GSE1: variants seen among roughly 807,000 people sequenced by gnomAD.
GSE1 encodes the protein Gse1 coiled-coil protein, also known as genetic suppressor element 1.
GSE1 carries 32 observed loss-of-function variants against 112.6 expected under a neutral mutation model. That is an observed-to-expected ratio of 0.28 (90% CI 0.21 to 0.38). GSE1 has a LOEUF of 0.38. Ranked by LOEUF, GSE1 falls within the 10% of genes least tolerant of loss-of-function variation. The pLI is 1.00. For missense variants in GSE1, 2,348 were observed against 1,699.2 expected (o/e 1.38, Z -6.71); for synonymous variants, 1,115 against 735.6 (o/e 1.52, Z -8.35).
intron 2 of GSE1, among the ~76,000 whole-genome samples, chr16:85,470,093 C>T (rs531072271): frequency 6.6e-6 from 1 of 152,376 alleles, no homozygotes; most frequent in South Asian, 2.1e-4. Flanking sequence ...GGGCCACGCT[C>T]CAGGGTGCGG....
chr16:85,563,216 G>A (rs557269584), intron 1 of GSE1, among the ~76,000 whole-genome samples: 8 of 145,416 alleles, frequency 5.5e-5, no homozygotes, highest in East Asian at 3.9e-4. Flanking sequence ...TTTTAAGAGC[G>A]CCATATAGAT....
intron 1 of GSE1, among the ~76,000 whole-genome samples, chr16:85,619,645 A>T (rs1369725774): frequency 6.6e-6 from 1 of 152,170 alleles, no homozygotes; most frequent in Non-Finnish European, 1.5e-5. Context: ...TAGTAACCAG[A>T]TGGGAAAGAC....
chr16:85,205,786 A>T (rs897321052), intron 1 of GSE1, among the ~76,000 whole-genome samples: 6 of 152,188 alleles, frequency 3.9e-5, no homozygotes, highest in Non-Finnish European at 8.8e-5. Flanking sequence ...AAATCCTCGC[A>T]GACTGGGAGG....
chr16:85,537,614 A>C (rs1205035581), intron 2 of GSE1, among the ~76,000 whole-genome samples: 1 of 152,132 alleles, frequency 6.6e-6, no homozygotes, highest in Non-Finnish European at 1.5e-5. Context: ...CACAGTCCCC[A>C]TGTGGATTCG....
chr16:85,474,169 G>C lies in GSE1; in HGVS notation c.2464+116526G>C, dbSNP rs74458595. Among the ~76,000 whole-genome samples, 1,129 of 152,236 alleles carry C rather than the reference G, an allele frequency of 7.4e-3. 13 individuals are homozygous for C. The highest frequency in any genetic ancestry group is 0.026 in the African/African-American group (1,085 of 41,544). On this transcript the variant is annotated intron_variant, in intron 2 of 2. Transcript: ENST00000637419. ...CTGGCTCCTGCACCAGTCCAGACGAGAGGTGCTGGGCCAGGCCAGGCCAGG... is the reference window on the plus strand; with the variant it reads ...CTGGCTCCTGCACCAGTCCAGACGACAGGTGCTGGGCCAGGCCAGGCCAGG...
chr16:85,275,529 G>A (rs534872575), intron 1 of GSE1, among the ~76,000 whole-genome samples: 5 of 152,310 alleles, frequency 3.3e-5, no homozygotes, highest in African/African-American at 1.2e-4. Context: ...AGTTCAAATG[G>A]CACCAGTGAA....
chr16:85,404,224 C>T (rs1232294401), intron 2 of GSE1, among the ~76,000 whole-genome samples: 2 of 96,892 alleles, frequency 2.1e-5, no homozygotes, highest in Non-Finnish European at 4.3e-5. Flanking sequence ...CACCGTTACA[C>T]TCAGGGCCCC....
Position 85,665,002 on chromosome 16 carries a change from G to A in GSE1, c.2645-13G>A. 1 of 1,531,824 alleles carries A rather than the reference G, an allele frequency of 6.5e-7. No homozygotes were observed. 94.9% of individuals were successfully genotyped at this position (1,531,824 alleles called of 1,614,324 possible). ...GCAACTGGCTCGTTAATCTCAGGCT[G>A]CTTTTCTCATAGACAAAGAGAGACT... On this transcript the variant is annotated splice_polypyrimidine_tract_variant and intron_variant, in intron 11 of 15. Transcript: ENST00000253458.
chr16:85,239,376 GT>G (rs1904989617), intron 1 of GSE1, among the ~76,000 whole-genome samples: 3 of 152,260 alleles, frequency 2.0e-5, no homozygotes, highest in African/African-American at 7.2e-5. Flanking sequence ...GGCAGGGCAT[GT>G]GAGCAAAGCT....
chr16:85,467,323 A>G (rs1324093190), intron 2 of GSE1, among the ~76,000 whole-genome samples: 2 of 152,244 alleles, frequency 1.3e-5, no homozygotes, highest in Non-Finnish European at 2.9e-5. Flanking sequence ...AAGGGGAAAT[A>G]AATATGGTGG....
chr16:85,515,493 G>A (rs1267800131), intron 2 of GSE1, among the ~76,000 whole-genome samples: 1 of 152,226 alleles, frequency 6.6e-6, no homozygotes, highest in Non-Finnish European at 1.5e-5. Flanking sequence ...GGTGGGCGGA[G>A]GGACGTGGGG....
intron 1 of GSE1, among the ~76,000 whole-genome samples, chr16:85,327,107 G>T (rs1334543224): frequency 6.6e-6 from 1 of 152,194 alleles, no homozygotes; most frequent in East Asian, 1.9e-4. Context: ...CTTTCCATGG[G>T]AGCCTCTCCC....
chr16:85,314,442 G>C (rs1955857942), intron 1 of GSE1, among the ~76,000 whole-genome samples: 1 of 152,180 alleles, frequency 6.6e-6, no homozygotes, highest in African/African-American at 2.4e-5. Flanking sequence ...GACAGATGAA[G>C]GGATGTGAGG....
chr16:85,473,711 C>T (rs1485488099), intron 2 of GSE1, among the ~76,000 whole-genome samples: 13 of 152,194 alleles, frequency 8.5e-5, no homozygotes, highest in Admixed American at 8.5e-4. Context: ...CTGCAAAGAG[C>T]CTTTTTCCAA....
chr16:85,358,281 G>A (rs970846394), intron 2 of GSE1, among the ~76,000 whole-genome samples: 1 of 152,224 alleles, frequency 6.6e-6, no homozygotes, highest in African/African-American at 2.4e-5. Context: ...GCTGGGCCTT[G>A]GGGCCTGGGC....
chr16:85,188,251 G>A (rs550103219), intron 1 of GSE1, among the ~76,000 whole-genome samples: 5 of 144,096 alleles, frequency 3.5e-5, no homozygotes, highest in South Asian at 4.6e-4. Flanking sequence ...AGCAGTCAGC[G>A]GGCACCTGCT....
Position 85,327,818 on chromosome 16 carries a change from G to T in GSE1, c.2284-29645G>T, listed in dbSNP as rs563499011. On this transcript the variant is annotated intron_variant, in intron 1 of 2. Coordinates refer to the GSE1 transcript ENST00000637419. The stretch of plus-strand genomic sequence containing the variant: ...CGGATCAGCAAAACTGAGGTCCCGG[G>T]GGGAGAGTGAATTCTTAGGATCACA... Among the ~76,000 whole-genome samples the T allele has an allele frequency of 2.4e-4, 37 of 152,294 alleles. No individual in the cohort carries two copies. In the South Asian group the frequency reaches 5.2e-3, roughly 21 times the overall value.
At chr16:85,467,247 T>G (rs2050150363) in intron 2 of GSE1, among the ~76,000 whole-genome samples, 1 of 152,240 alleles carries the variant, frequency 6.6e-6, no homozygotes, top group African/African-American at 2.4e-5. Context: ...CGCATCCTGC[T>G]GCTGCCTCTT....
intron 2 of GSE1, among the ~76,000 whole-genome samples, chr16:85,640,443 C>G (rs1190920498): frequency 1.3e-5 from 2 of 152,202 alleles, no homozygotes; most frequent in African/African-American, 4.8e-5. Flanking sequence ...TCGAGGCCCG[C>G]GGGGCCCTGT....
Sources: gnomAD v4.1 joint callset for allele counts (sites outside exome capture counted in the v4.1 genomes callset) on GRCh38, gnomAD v4.1.1 for gene constraint, MANE v1.5 for transcripts, NCBI Gene and HGNC (gene_info 2026-07-23, HGNC 2026-07-21) for gene names.